The following SYT1 variants were observed in gnomAD, a reference collection of about 807,000 sequenced individuals.
The protein encoded by SYT1 is synaptotagmin-1.
SYT1 carries 8 observed loss-of-function variants against 44.8 expected under a neutral mutation model. The observed-to-expected ratio is 0.18, with a 90% CI of 0.10 to 0.32. SYT1 has a LOEUF of 0.32. Among genes scored for constraint, SYT1 ranks in the 10% least tolerant of loss-of-function variants. The pLI is 1.00. For missense variants in SYT1, 286 were observed against 509.3 expected, an observed-to-expected ratio of 0.56 and a Z score of 4.22; for synonymous variants, 154 against 188.8, an observed-to-expected ratio of 0.82 and a Z score of 1.51.
intron 9 of SYT1, 149 bp downstream of exon 9, chr12:79,353,768 A>G: frequency 3.1e-6 from 2 of 646,022 alleles, no homozygotes; most frequent in Non-Finnish European, 2.8e-6. Flanking sequence ...ATTCATCCCA[A>G]CACAGTGCCC....
chr12:79,172,818 G>A (rs1371288819), intron 3 of SYT1, among the ~76,000 whole-genome samples: 3 of 150,886 alleles, frequency 2.0e-5, no homozygotes, highest in Non-Finnish European at 3.0e-5. Context: ...GCCTATGTTA[G>A]CAGCATCTCC....
intron 9 of SYT1, chr12:79,419,375 A>T: frequency 2.2e-6 from 1 of 455,466 alleles, no homozygotes; most frequent in Non-Finnish European, 4.6e-6. Context: ...CCCTTTCTCC[A>T]TGAATTCATC....
At chr12:79,314,415 A>T (rs571422895) in intron 8 of SYT1, among the ~76,000 whole-genome samples, 1 of 152,246 alleles carries the variant, frequency 6.6e-6, no homozygotes, top group East Asian at 1.9e-4. Context: ...GATTGCACAA[A>T]GACGAACCCA....
At chr12:78,945,865 C>G (rs567018718) in intron 1 of SYT1, among the ~76,000 whole-genome samples, 52 of 152,234 alleles carry the variant, frequency 3.4e-4, no homozygotes, top group Admixed American at 5.9e-4. Flanking sequence ...GAAGGCAGCC[C>G]TTCTTGGTTT....
At chr12:79,231,632 G>C (rs927489281) in intron 4 of SYT1, among the ~76,000 whole-genome samples, 3 of 152,018 alleles carry the variant, frequency 2.0e-5, no homozygotes, top group African/African-American at 4.8e-5. Context: ...AACTATAATT[G>C]ATTTAGTCAT....
chr12:79,264,672 G>C (rs2138743372), intron 4 of SYT1, among the ~76,000 whole-genome samples: 1 of 152,248 alleles, frequency 6.6e-6, no homozygotes, highest in Non-Finnish European at 1.5e-5. Context: ...ATTTACCTCA[G>C]GTAGTGTTAG....
chr12:78,882,872 AT>A (rs529492746), intron 1 of SYT1, among the ~76,000 whole-genome samples: 3 of 150,772 alleles, frequency 2.0e-5, no homozygotes, highest in Non-Finnish European at 4.4e-5. Flanking sequence ...GGCATCATAG[AT>A]TTTTTTTTCT....
intron 3 of SYT1, among the ~76,000 whole-genome samples, chr12:79,067,227 T>G (rs774479405): frequency 4.6e-5 from 7 of 152,182 alleles, no homozygotes; most frequent in Non-Finnish European, 5.9e-5. Flanking sequence ...TAGTTTTCCC[T>G]TATCAAAATC....
At position 79,034,815 on chromosome 12, in the gene SYT1, T is replaced by TTTTATTCTA. The variant is rs1873026302; in HGVS notation, c.-83-12478_-83-12470dup. 4.6e-5 allele frequency among the ~76,000 whole-genome samples: 7 copies of TTTTATTCTA among 151,680 alleles called. No homozygotes were observed. In the Admixed American group the frequency reaches 4.6e-4, roughly 10 times the overall value. ...TATAATCTGACACCTTTTTAAAAAG[T>TTTTATTCTA]TTTATTCTATTTTTAATTGATATAT... On this transcript the variant is annotated intron_variant, in intron 2 of 10. Coordinates refer to ENST00000261205, the MANE Select transcript of SYT1 (RefSeq NM_005639.3).
rs61324842 is a variant in SYT1, at chr12:79,245,302, C to CAA, written c.166+27639_166+27640dup. ...AACACACGGTGAAACCCCGTCTCTA[C>CAA]AAAAAAAAAAAAAAAAAAAAAAATT... On this transcript the variant is annotated intron_variant, in intron 4 of 10. Transcript: ENST00000261205. Among the ~76,000 whole-genome samples the CAA allele has an allele frequency of 2.8e-4, 29 of 104,188 alleles. 1 individual carries two copies. Among genetic ancestry groups the CAA allele is most frequent in the South Asian group, 2.3e-3 (7 of 3,044 alleles). The allele number at this position is 104,188 out of a possible 152,430, so 68.4% of individuals were successfully genotyped here.
intron 1 of SYT1, among the ~76,000 whole-genome samples, chr12:78,972,469 G>A (rs1307382779): frequency 6.6e-6 from 1 of 150,802 alleles, no homozygotes; most frequent in African/African-American, 2.4e-5. Context: ...GGGAAAAAAC[G>A]AACACACAGA....
chr12:79,287,453 T>G (rs1326916092), intron 5 of SYT1, among the ~76,000 whole-genome samples: 1 of 152,186 alleles, frequency 6.6e-6, no homozygotes, highest in African/African-American at 2.4e-5. Context: ...AAGATTTCTT[T>G]AAACAACTTA....
intron 1 of SYT1, among the ~76,000 whole-genome samples, chr12:78,977,231 CA>C (rs1868912360): frequency 6.6e-6 from 1 of 152,114 alleles, no homozygotes; most frequent in East Asian, 1.9e-4. Context: ...TGCAGTATTT[CA>C]AAGTTCTTCC....
chr12:79,131,788 A>G (rs973607229), intron 3 of SYT1, among the ~76,000 whole-genome samples: 3 of 152,224 alleles, frequency 2.0e-5, no homozygotes, highest in Admixed American at 6.5e-5. Context: ...AAAGTTAAGA[A>G]CAATAAATCA....
intron 3 of SYT1, among the ~76,000 whole-genome samples, chr12:79,216,710 T>C (rs934891891): frequency 6.6e-6 from 1 of 152,156 alleles, no homozygotes; most frequent in African/African-American, 2.4e-5. Flanking sequence ...GGTAAACAAA[T>C]ACTTAAAATA....
intron 4 of SYT1, among the ~76,000 whole-genome samples, chr12:79,245,240 C>G (rs372857188): frequency 6.8e-6 from 1 of 147,474 alleles, no homozygotes. Flanking sequence ...CCGAGGCGGG[C>G]GGATCACGAG....
chr12:79,438,068 C>G (rs1470707048), intron 9 of SYT1, among the ~76,000 whole-genome samples: 2 of 152,126 alleles, frequency 1.3e-5, no homozygotes, highest in African/African-American at 4.8e-5. Context: ...GAGAGAATTT[C>G]TGGGGTGTCT....
chr12:79,153,467 A>C (rs1338509766), intron 3 of SYT1, among the ~76,000 whole-genome samples: 1 of 152,132 alleles, frequency 6.6e-6, no homozygotes, highest in Non-Finnish European at 1.5e-5. Context: ...AATGCAATCT[A>C]TGTTATAGGA....
intron 4 of SYT1, among the ~76,000 whole-genome samples, chr12:79,251,255 C>G (rs1245824): frequency 6.6e-6 from 1 of 151,838 alleles, no homozygotes; most frequent in Non-Finnish European, 1.5e-5. Context: ...CTCTAATTAC[C>G]CTGATTAACA....
Sources: allele counts gnomAD v4.1 joint callset (sites outside exome capture counted in the v4.1 genomes callset), GRCh38; gene constraint gnomAD v4.1.1; transcripts MANE v1.5; gene names NCBI Gene and HGNC (gene_info 2026-07-23, HGNC 2026-07-21).